The following PREX2 variants were observed in gnomAD, a reference collection of about 807,000 sequenced individuals.
The protein encoded by PREX2 is phosphatidylinositol-3,4,5-trisphosphate dependent Rac exchange factor 2.
In PREX2, 107 loss-of-function variants were observed where a neutral mutation model predicts 203.2. The observed-to-expected ratio is 0.53, with a 90% CI of 0.45 to 0.62. PREX2 has a LOEUF of 0.62. Among genes scored for constraint, PREX2 ranks in the 20% least tolerant of loss-of-function variants. The pLI is 0.00. For synonymous variants in PREX2, 672 were observed against 663.6 expected (o/e 1.01, Z -0.19); for missense variants, 1,777 against 1,955.9 (o/e 0.91, Z 1.72).
intron 8 of PREX2, 126 bp from the exon 9 acceptor site, chr8:68,052,971 T>C: frequency 2.6e-6 from 2 of 756,380 alleles, no homozygotes; most frequent in East Asian, 5.3e-5. Context: ...TCAATATACA[T>C]ATGTAAAGCA....
intron 1 of PREX2, among the ~76,000 whole-genome samples, chr8:67,989,771 T>A (rs1397995922): frequency 6.6e-6 from 1 of 152,220 alleles, no homozygotes; most frequent in Admixed American, 6.5e-5. Context: ...TGTGGAAGTG[T>A]ATCTAAATAA....
At chr8:68,199,499 C>T (rs1432022751) in intron 37 of PREX2, among the ~76,000 whole-genome samples, 1 of 152,146 alleles carries the variant, frequency 6.6e-6, no homozygotes, top group Non-Finnish European at 1.5e-5. Flanking sequence ...CTAATGTAAA[C>T]TGTCTTCTAA....
At chr8:68,155,424 C>T (rs902842648) in intron 34 of PREX2, among the ~76,000 whole-genome samples, 1 of 152,022 alleles carries the variant, frequency 6.6e-6, no homozygotes, top group Non-Finnish European at 1.5e-5. Flanking sequence ...GCAAATTTGA[C>T]ATGGATCTTT....
chr8:68,034,108 T>C (rs573311512), intron 6 of PREX2, among the ~76,000 whole-genome samples: 13 of 152,294 alleles, frequency 8.5e-5, no homozygotes, highest in African/African-American at 3.1e-4. Flanking sequence ...ATTAGGTTTT[T>C]GTCAGCATTT....
chr8:68,162,083 A>G (rs1027158803), intron 35 of PREX2, among the ~76,000 whole-genome samples: 5 of 152,156 alleles, frequency 3.3e-5, no homozygotes, highest in African/African-American at 7.2e-5. Context: ...ACTCACCCCC[A>G]TAATTCAATT....
At chr8:68,121,362 T>G (rs571042977) in intron 30 of PREX2, among the ~76,000 whole-genome samples, 1 of 152,110 alleles carries the variant, frequency 6.6e-6, no homozygotes, top group East Asian at 1.9e-4. Flanking sequence ...AAACAAATTC[T>G]GAAGGATTTA....
chr8:68,141,625 T>C (rs1811232491), intron 33 of PREX2, among the ~76,000 whole-genome samples: 1 of 152,132 alleles, frequency 6.6e-6, no homozygotes, highest in South Asian at 2.1e-4. Flanking sequence ...TAAGCTGAGA[T>C]CTGAAGCATA....
intron 6 of PREX2, 42 bp downstream of exon 6, chr8:68,030,700 A>G (rs1807858225): frequency 3.1e-6 from 5 of 1,596,126 alleles, no homozygotes; most frequent in Non-Finnish European, 4.3e-6. Flanking sequence ...AGATAGTTTT[A>G]TGTTGCAGGC....
intron 1 of PREX2, among the ~76,000 whole-genome samples, chr8:68,014,977 T>A (rs1807373260): frequency 2.0e-5 from 3 of 152,310 alleles, no homozygotes; most frequent in Non-Finnish European, 4.4e-5. Flanking sequence ...ATAAAAAAGC[T>A]ATTTTCCACT....
chr8:67,975,135 C>A (rs141868005), intron 1 of PREX2, among the ~76,000 whole-genome samples: 2 of 152,250 alleles, frequency 1.3e-5, no homozygotes, highest in African/African-American at 4.8e-5. Context: ...TTTTGTCCCT[C>A]GCTTTCTCAA....
chr8:68,105,732 T>C (rs200356251), intron 23 of PREX2: 96 of 45,660 alleles, frequency 2.1e-3, no homozygotes, highest in Non-Finnish European at 2.6e-3. Context: ...TACACACACA[T>C]ATATATATAT....
At chr8:68,069,232 G>C in intron 12 of PREX2, 96 bp downstream of exon 12, 1 of 663,844 alleles carries the variant, frequency 1.5e-6, no homozygotes, top group East Asian at 3.2e-5. Flanking sequence ...GATTTTTCTA[G>C]TTTAGAAAAT....
chr8:68,110,808 C>G, intron 25 of PREX2: 1 of 233,462 alleles, frequency 4.3e-6, no homozygotes, highest in South Asian at 4.5e-5. Flanking sequence ...AAATTATCCT[C>G]AATATTTAGT....
At chr8:68,129,871 T>C (rs1810966831) in intron 31 of PREX2, among the ~76,000 whole-genome samples, 1 of 119,310 alleles carries the variant, frequency 8.4e-6, no homozygotes, top group South Asian at 2.8e-4. Context: ...AATCTTACTC[T>C]ACAACAATAG....
chr8:68,110,174 C>T (rs1244047214), intron 25 of PREX2, among the ~76,000 whole-genome samples: 1 of 152,094 alleles, frequency 6.6e-6, no homozygotes, highest in Non-Finnish European at 1.5e-5. Context: ...AAGGTGGAGG[C>T]AGTTAATGAG....
chr8:68,013,971 C>T (rs1445260644), intron 1 of PREX2, among the ~76,000 whole-genome samples: 1 of 152,048 alleles, frequency 6.6e-6, no homozygotes, highest in South Asian at 2.1e-4. Context: ...CTTTTGAGAA[C>T]GATCTACTAT....
intron 8 of PREX2, among the ~76,000 whole-genome samples, chr8:68,047,422 A>T (rs1808384403): frequency 2.0e-5 from 3 of 149,352 alleles, no homozygotes; most frequent in Admixed American, 6.7e-5. Flanking sequence ...AAAAGAAAAA[A>T]CAAGCACCTA....
chr8:68,061,749 G>C (rs1808862784), intron 11 of PREX2, among the ~76,000 whole-genome samples: 1 of 152,170 alleles, frequency 6.6e-6, no homozygotes, highest in Admixed American at 6.5e-5. Flanking sequence ...CAGCCAGTGG[G>C]GAGTGGCCAG....
At chr8:68,076,842 AT>A (rs34561375) in intron 14 of PREX2, among the ~76,000 whole-genome samples, 80,408 of 149,950 alleles carry the variant, frequency 0.54, 21,378 homozygotes, top group South Asian at 0.56. Context: ...AAATGATCTG[AT>A]TTTTTTTTTT....
Sources: gnomAD v4.1 joint callset for allele counts (sites outside exome capture counted in the v4.1 genomes callset) on GRCh38, gnomAD v4.1.1 for gene constraint, MANE v1.5 for transcripts, NCBI Gene and HGNC (gene_info 2026-07-23, HGNC 2026-07-21) for gene names.